The following SEL1L3 variants were observed in gnomAD, a reference collection of about 807,000 sequenced individuals.
SEL1L3 encodes the protein SEL1L family member 3, also known as protein sel-1 homolog 3.
In SEL1L3, 76 loss-of-function variants were observed where a neutral mutation model predicts 142.8. The ratio of observed to expected loss-of-function variants is 0.53; its 90% CI spans 0.44 to 0.64. The LOEUF (loss-of-function observed/expected upper bound fraction) is 0.64, where lower values mean the gene tolerates loss of function less well. SEL1L3 is among the 30% of genes least tolerant of loss of function. SEL1L3 has a pLI of 0.00. For missense variants in SEL1L3, 1,262 were observed against 1,381.7 expected (o/e 0.91, Z 1.37); for synonymous variants, 504 against 519.6 (o/e 0.97, Z 0.41).
In SEL1L3 at chr4:25,782,347, T is replaced by G. The variant is rs1560295820; in HGVS notation, c.2352A>C (p.Ala784=). 2 of 1,613,932 alleles carry G rather than the reference T, an allele frequency of 1.2e-6. No individual in the cohort carries two copies. Among genetic ancestry groups the G allele is most frequent in the Non-Finnish European group, 1.7e-6 (2 of 1,179,818 alleles). Residue 784 remains alanine (A), a synonymous_variant, in exon 15 of 24, where the codon GCA becomes GCC. Transcript: ENST00000399878. ...TTTCTTCTGCTTTTAACCAGTACTT[T>G]GCTGCTTTGGCGTAATTTTTCTTGA... The part of the protein sequence containing the change: ...HKFKKNYAKA[A]KYWLKAEEMG...
chr4:25,767,633 G>A, intron 18 of SEL1L3, 24 bp from the exon 19 acceptor site: 2 of 1,544,060 alleles, frequency 1.3e-6, no homozygotes, highest in Non-Finnish European at 1.8e-6. Context: ...GGAAGAAAAA[G>A]TTAATTCATT....
At chr4:25,792,181 G>C (rs928260894) in intron 11 of SEL1L3, among the ~76,000 whole-genome samples, 1 of 152,212 alleles carries the variant, frequency 6.6e-6, no homozygotes, top group Non-Finnish European at 1.5e-5. Context: ...CAGTGTTTGA[G>C]ATACGTGGTA....
chr4:25,767,124 T>G (rs1044296273), intron 19 of SEL1L3, among the ~76,000 whole-genome samples: 8 of 152,116 alleles, frequency 5.3e-5, no homozygotes, highest in Non-Finnish European at 1.0e-4. Flanking sequence ...AAACCCTATG[T>G]CTACTTAAAA....
chr4:25,769,633 A>C (rs1373671333), intron 17 of SEL1L3, among the ~76,000 whole-genome samples: 1 of 152,182 alleles, frequency 6.6e-6, no homozygotes, highest in African/African-American at 2.4e-5. Context: ...ATTCTGACAC[A>C]AGGTCCTCTT....
At chr4:25,807,008 G>A (rs760229847) in intron 9 of SEL1L3, among the ~76,000 whole-genome samples, 2 of 151,996 alleles carry the variant, frequency 1.3e-5, no homozygotes, top group South Asian at 2.1e-4. Context: ...ACAATAATTC[G>A]TATCCAAATC....
chr4:25,825,390 G>C (rs1202003356), intron 6 of SEL1L3, among the ~76,000 whole-genome samples: 6 of 152,116 alleles, frequency 3.9e-5, no homozygotes, highest in Non-Finnish European at 8.8e-5. Context: ...CTCTTCCAAA[G>C]CCCAAGCCAG....
At chr4:25,735,993 C>T in the SEL1L3 span, among the ~76,000 whole-genome samples, 1 of 151,548 alleles carries the variant, frequency 6.6e-6, no homozygotes, top group South Asian at 2.1e-4. Context: ...CCACGCCTGG[C>T]TAATATTGTG....
At chr4:25,803,798 TG>T (rs1469921444) in intron 10 of SEL1L3, among the ~76,000 whole-genome samples, 1 of 151,976 alleles carries the variant, frequency 6.6e-6, no homozygotes, top group Non-Finnish European at 1.5e-5. Context: ...TTTTTGTTGT[TG>T]TTTTGGTTTT....
chr4:25,749,704 T>G (rs1717462798), intron 23 of SEL1L3, among the ~76,000 whole-genome samples: 1 of 152,220 alleles, frequency 6.6e-6, no homozygotes, highest in South Asian at 2.1e-4. Flanking sequence ...AGGAGTGATT[T>G]GTGAATTATT....
At chr4:25,847,956 A>C in intron 1 of SEL1L3, 92 bp from the exon 2 acceptor site, 4 of 812,756 alleles carry the variant, frequency 4.9e-6, no homozygotes, top group Non-Finnish European at 5.7e-6. Context: ...TGGGATAAAA[A>C]AATATCAATC....
At chr4:25,837,009 C>T (rs984181907) in intron 2 of SEL1L3, among the ~76,000 whole-genome samples, 1 of 151,914 alleles carries the variant, frequency 6.6e-6, no homozygotes, top group Non-Finnish European at 1.5e-5. Flanking sequence ...TGGTTTGTTA[C>T]AAGTAGAGAT....
intron 9 of SEL1L3, among the ~76,000 whole-genome samples, chr4:25,814,571 G>A (rs1714243165): frequency 6.6e-6 from 1 of 152,170 alleles, no homozygotes; most frequent in Non-Finnish European, 1.5e-5. Context: ...GCAGAAAATA[G>A]AATGCAAACA....
chr4:25,784,508 G>A (rs182836641), intron 13 of SEL1L3, among the ~76,000 whole-genome samples: 1 of 152,194 alleles, frequency 6.6e-6, no homozygotes, highest in African/African-American at 2.4e-5. Flanking sequence ...CCTCAACTTC[G>A]CAGCTTAGCA....
At chr4:25,830,726 A>G (rs1715381924) in intron 5 of SEL1L3, among the ~76,000 whole-genome samples, 1 of 152,204 alleles carries the variant, frequency 6.6e-6, no homozygotes, top group Non-Finnish European at 1.5e-5. Context: ...TCAAGGGGCC[A>G]CTTACATTCT....
At chr4:25,833,212 C>A in intron 4 of SEL1L3, 102 bp from the exon 5 acceptor site, 1 of 765,272 alleles carries the variant, frequency 1.3e-6, no homozygotes, top group Non-Finnish European at 2.2e-6. Context: ...CTACAATACT[C>A]CACGAAAACA....
chr4:25,749,863 GAA>G (rs1717472378), intron 23 of SEL1L3, among the ~76,000 whole-genome samples: 1 of 152,162 alleles, frequency 6.6e-6, no homozygotes. Context: ...CAGTTGAACA[GAA>G]AAAGAGTAAT....
At chr4:25,749,636 T>G (rs1206393167) in intron 23 of SEL1L3, among the ~76,000 whole-genome samples, 1 of 152,148 alleles carries the variant, frequency 6.6e-6, no homozygotes, top group Non-Finnish European at 1.5e-5. Context: ...AGAATCAAGG[T>G]AACCAGGACA....
rs560965750 is a variant in SEL1L3 at position 25,758,859 on chromosome 4, G to A, written c.3083+82C>T. Reference sequence around the variant, plus strand: ...TAACAATTTACATTACAATATAAGGGTAAAGCTAACTTTAACCAAGAAGCG... The same window carrying A: ...TAACAATTTACATTACAATATAAGGATAAAGCTAACTTTAACCAAGAAGCG... On this transcript the variant is annotated intron_variant, in intron 21 of 23. Coordinates refer to ENST00000399878, the MANE Select transcript of SEL1L3 (RefSeq NM_015187.5). 9 of 1,386,224 alleles carry A rather than the reference G, an allele frequency of 6.5e-6. No homozygotes were observed. In the Admixed American group the frequency reaches 1.3e-4, roughly 20 times the overall value. 85.9% of individuals were successfully genotyped at this position (1,386,224 alleles called of 1,614,324 possible).
chr4:25,776,373 A>AG lies in SEL1L3; in HGVS notation c.2586-14dup. 1 of 1,582,286 alleles carries AG rather than the reference A, an allele frequency of 6.3e-7. No individual in the cohort carries two copies. The highest frequency in any genetic ancestry group is 8.7e-7 in the Non-Finnish European group (1 of 1,153,232). ...ATGTTTTGCCCATCTGAAAAAAAAA[A>AG]GGGAAGAGAAAATACGCAAACCATG... On this transcript the variant is annotated splice_polypyrimidine_tract_variant and intron_variant, in intron 16 of 23. Coordinates refer to ENST00000399878, the MANE Select transcript of SEL1L3 (RefSeq NM_015187.5).
Sources: allele counts gnomAD v4.1 joint callset (sites outside exome capture counted in the v4.1 genomes callset), GRCh38; gene constraint gnomAD v4.1.1; transcripts MANE v1.5; gene names NCBI Gene and HGNC (gene_info 2026-07-23, HGNC 2026-07-21).